Variants in HRH4 observed in about 807,000 individuals in gnomAD.
HRH4 encodes the protein histamine H4 receptor.
Under a neutral mutation model 10.4 loss-of-function variants are expected in HRH4, and 12 were observed. The ratio of observed to expected loss-of-function variants is 1.15; its 90% CI spans 0.74 to 1.87. The LOEUF is 1.87. Among genes scored for constraint, HRH4 ranks in the 40% most tolerant of loss-of-function variants. The probability of loss-of-function intolerance (pLI) is 0.00; values close to 1 mark genes in which losing one functional copy is unlikely to be tolerated. For missense variants in HRH4, 415 were observed against 453.3 expected (o/e 0.92, Z 0.77); for synonymous variants, 154 against 166.6 (o/e 0.92, Z 0.58).
rs1429702262 is a variant in HRH4 at position 24,478,461 on chromosome 18, C to G, written c.*899C>G. 6.6e-6 allele frequency: 1 copy of G among 152,208 alleles called. No homozygotes were observed. The highest frequency in any genetic ancestry group is 1.9e-4 in the East Asian group (1 of 5,182). The allele number at this position is 152,208 out of a possible 1,614,324, so 9.4% of individuals were successfully genotyped here. ...CCTGAAATCCCAGCACTTTGGGAGG[C>G]CAAGGTGGGCGGATCATGAGGTCAG... On this transcript the variant is annotated 3_prime_UTR_variant, in exon 3 of 3. Coordinates refer to ENST00000256906, the MANE Select transcript of HRH4 (RefSeq NM_021624.4).
chr18:24,467,746 G>A (rs1235181029), intron 1 of HRH4, among the ~76,000 whole-genome samples: 1 of 152,132 alleles, frequency 6.6e-6, no homozygotes, highest in Admixed American at 6.6e-5. Context: ...GTTTCACCAT[G>A]TTGGGCAGGC....
rs1910257008 is a variant in HRH4 at position 24,479,652 on chromosome 18, C to T, written c.*2090C>T. 1 of 152,204 alleles carries T rather than the reference C, an allele frequency of 6.6e-6. No homozygotes were observed. Among genetic ancestry groups the T allele is most frequent in the Admixed American group, 6.5e-5 (1 of 15,282 alleles). The allele number at this position is 152,204 out of a possible 1,614,324, so 9.4% of individuals were successfully genotyped here. A position where few individuals can be genotyped will look rare whatever the true frequency, so the allele number is the denominator to read the frequency against. ...ATTGTTGCCTTTCTTGAAGTGTTCT[C>T]TGCCTGTCTTTGTCACAAAATTTCA... On this transcript the variant is annotated 3_prime_UTR_variant, in exon 3 of 3. Coordinates refer to ENST00000256906, the MANE Select transcript of HRH4 (RefSeq NM_021624.4).
chr18:24,465,281 G>A lies in HRH4; in HGVS notation c.194-3507G>A, dbSNP rs562355323. On this transcript the variant is annotated intron_variant, in intron 1 of 2. Transcript: ENST00000256906. ...CCGACTTGGGTGACAGAGCCAGACT[G>A]CGTCAAAAAACAAACAAACAAAACA... Among the ~76,000 whole-genome samples, 31 of 152,100 alleles carry A rather than the reference G, an allele frequency of 2.0e-4. No individual in the cohort carries two copies. The South Asian group carries it at 6.2e-3, about 31-fold the overall frequency.
At chr18:24,468,710 T>C in intron 1 of HRH4, 78 bp from the exon 2 acceptor site, 1 of 1,253,760 alleles carries the variant, frequency 8.0e-7, no homozygotes. Context: ...GGTCATTGTG[T>C]TGTGTAGCCA....
chr18:24,468,604 C>T (rs1227779766), intron 1 of HRH4, among the ~76,000 whole-genome samples, 184 bp from the exon 2 acceptor site: 2 of 152,038 alleles, frequency 1.3e-5, no homozygotes, highest in East Asian at 1.9e-4. Flanking sequence ...CTAAAAATGG[C>T]GTTTAAGGAG....
chr18:24,466,048 A>G (rs1909766125), intron 1 of HRH4, among the ~76,000 whole-genome samples: 1 of 151,838 alleles, frequency 6.6e-6, no homozygotes, highest in Non-Finnish European at 1.5e-5. Context: ...AATATAATAA[A>G]TGTCTGTTTT....
intron 1 of HRH4, among the ~76,000 whole-genome samples, chr18:24,468,302 A>G (rs1909832807): frequency 6.6e-6 from 1 of 152,132 alleles, no homozygotes; most frequent in African/African-American, 2.4e-5. Context: ...TTGGTCTCTC[A>G]AAGTGCTGGG....
In HRH4 at chr18:24,468,927, T is replaced by A. The variant is rs758743592; in HGVS notation, c.333T>A (p.Asp111Glu). ...SVYNIVLISY[D>E]RYLSVSNAVS... ...ATAACATTGTCCTCATCAGCTATGA[T>A]CGATACCTGTCAGTCTCAAATGCTG... Residue 111 changes from aspartate (D) to glutamate (E), a missense_variant, in exon 2 of 3, where the codon GAT becomes GAA. Coordinates refer to ENST00000256906, the MANE Select transcript of HRH4 (RefSeq NM_021624.4). 15 of 1,607,564 alleles carry A rather than the reference T, an allele frequency of 9.3e-6. No homozygotes were observed. In the East Asian group the frequency reaches 3.4e-4, roughly 36 times the overall value.
intron 2 of HRH4, among the ~76,000 whole-genome samples, chr18:24,471,590 C>T (rs1035658274): frequency 2.0e-5 from 2 of 99,216 alleles, no homozygotes; most frequent in Admixed American, 3.2e-4. Context: ...CTGGGTGTCG[C>T]AGCAAGACTC....
intron 2 of HRH4, among the ~76,000 whole-genome samples, chr18:24,469,353 G>A (rs1477893340): frequency 1.3e-5 from 2 of 152,168 alleles, no homozygotes; most frequent in Non-Finnish European, 1.5e-5. Context: ...GAAATGTGAT[G>A]AGAAAATCAA....
Position 24,477,755 on chromosome 18 carries a change from T to C in HRH4, c.*193T>C, listed in dbSNP as rs956305553. 3.5e-5 allele frequency: 16 copies of C among 458,714 alleles called. No individual in the cohort carries two copies. The highest frequency in any genetic ancestry group is 3.0e-4 in the Admixed American group (8 of 26,722). 28.4% of individuals were successfully genotyped at this position (458,714 alleles called of 1,614,324 possible). A position where few individuals can be genotyped will look rare whatever the true frequency, so the allele number is the denominator to read the frequency against. On this transcript the variant is annotated 3_prime_UTR_variant, in exon 3 of 3. Coordinates refer to ENST00000256906, the MANE Select transcript of HRH4 (RefSeq NM_021624.4). ...TAAACTTGTAGTCATAATAGTACTA[T>C]ATTCTTCTTAGTCCTCACCTCTTCC...
intron 1 of HRH4, among the ~76,000 whole-genome samples, chr18:24,465,034 C>T (rs1193694704): frequency 1.3e-5 from 2 of 152,000 alleles, no homozygotes; most frequent in East Asian, 1.9e-4. Flanking sequence ...CATCTGTAAT[C>T]CCAGCACTTT....
intron 1 of HRH4, among the ~76,000 whole-genome samples, chr18:24,465,339 C>T (rs930801141): frequency 2.0e-5 from 3 of 151,832 alleles, no homozygotes; most frequent in African/African-American, 7.3e-5. Context: ...ACAGAAGGCG[C>T]CCTTGGGGGA....
chr18:24,469,369 A>C (rs917710328), intron 2 of HRH4, among the ~76,000 whole-genome samples: 3 of 152,204 alleles, frequency 2.0e-5, no homozygotes, highest in African/African-American at 7.2e-5. Flanking sequence ...ATCAATTCTG[A>C]ATGGCCAAAC....
intron 1 of HRH4, among the ~76,000 whole-genome samples, chr18:24,463,721 C>T (rs9963453): frequency 0.1 from 15,240 of 152,122 alleles, 861 homozygotes; most frequent in African/African-American, 0.16. Flanking sequence ...TGGCCCTCTG[C>T]GGAGAATCTA....
rs964252945 is a variant in HRH4 at position 24,479,754 on chromosome 18, G to A, written c.*2192G>A. The A allele has an allele frequency of 3.3e-5, 5 of 152,066 alleles. No homozygotes were observed. Among genetic ancestry groups the A allele is most frequent in the African/African-American group, 1.2e-4 (5 of 41,394 alleles). 9.4% of individuals were successfully genotyped at this position (152,066 alleles called of 1,614,324 possible). ...TTTATAACTTTGCAGTTCTTACACC[G>A]TTTGGTGATTTTCATGTTTCTTAGA... On this transcript the variant is annotated 3_prime_UTR_variant, in exon 3 of 3. Coordinates refer to ENST00000256906, the MANE Select transcript of HRH4 (RefSeq NM_021624.4).
chr18:24,478,872 A>G lies in HRH4; in HGVS notation c.*1310A>G, dbSNP rs1474828307. Reference sequence around the variant, plus strand: ...ATTATTTCTGTAGAGATGAAGTCTCACTGTGTTGCCCAGCCTGGGTGTCAA... The same window carrying G: ...ATTATTTCTGTAGAGATGAAGTCTCGCTGTGTTGCCCAGCCTGGGTGTCAA... On this transcript the variant is annotated 3_prime_UTR_variant, in exon 3 of 3. Transcript: ENST00000256906. The G allele has an allele frequency of 6.6e-6, 1 of 152,020 alleles. No homozygotes were observed. The highest frequency in any genetic ancestry group is 1.5e-5 in the Non-Finnish European group (1 of 67,988). 9.4% of individuals were successfully genotyped at this position (152,020 alleles called of 1,614,324 possible).
rs926817102 is a variant in HRH4 at position 24,479,618 on chromosome 18, A to T, written c.*2056A>T. ...CACTTGCCACCACGCCCCACTAAAA[A>T]TTTTTTAAATTGTTGCCTTTCTTGA... On this transcript the variant is annotated 3_prime_UTR_variant, in exon 3 of 3. Coordinates refer to ENST00000256906, the MANE Select transcript of HRH4 (RefSeq NM_021624.4). 7.2e-5 allele frequency: 11 copies of T among 152,244 alleles called. No homozygotes were observed. The East Asian group carries it at 1.4e-3, about 19-fold the overall frequency. 9.4% of individuals were successfully genotyped at this position (152,244 alleles called of 1,614,324 possible). A position where few individuals can be genotyped will look rare whatever the true frequency, so the allele number is the denominator to read the frequency against.
At chr18:24,464,865 T>G (rs1233784493) in intron 1 of HRH4, among the ~76,000 whole-genome samples, 2 of 152,064 alleles carry the variant, frequency 1.3e-5, no homozygotes, top group Non-Finnish European at 2.9e-5. Context: ...GAAAAATAAC[T>G]AAGACAAATT....
Sources: allele counts gnomAD v4.1 joint callset (sites outside exome capture counted in the v4.1 genomes callset), GRCh38; gene constraint gnomAD v4.1.1; transcripts MANE v1.5; gene names NCBI Gene and HGNC (gene_info 2026-07-23, HGNC 2026-07-21).